TRIB3: variants seen among roughly 807,000 people sequenced by gnomAD.
TRIB3 encodes the protein tribbles homolog 3.
TRIB3 carries 20 observed loss-of-function variants against 16.6 expected under a neutral mutation model. The observed-to-expected ratio is 1.20, with a 90% CI of 0.85 to 1.75. TRIB3 has a LOEUF of 1.75. Ranked by LOEUF, TRIB3 falls within the 40% of genes most tolerant of loss-of-function variation. The pLI is 0.00. For synonymous variants in TRIB3, 208 were observed against 217.0 expected, an observed-to-expected ratio of 0.96 and a Z score of 0.36; for missense variants, 484 against 488.9, an observed-to-expected ratio of 0.99 and a Z score of 0.10.
rs556203041 is a variant in TRIB3, at chr20:394,561, G to C, written c.585-1637G>C. Among the ~76,000 whole-genome samples the C allele has an allele frequency of 2.0e-5, 3 of 152,208 alleles. No homozygotes were observed. In the South Asian group the frequency reaches 6.2e-4, roughly 32 times the overall value. ...GTGCTTCGGGAAGCCAAAGTAGGAGGACTGCTTGAGCCCAGGAGTTCGAGG... is the reference window on the plus strand; with the variant it reads ...GTGCTTCGGGAAGCCAAAGTAGGAGCACTGCTTGAGCCCAGGAGTTCGAGG... On this transcript the variant is annotated intron_variant, in intron 3 of 3. Transcript: ENST00000217233.
In TRIB3 at chr20:396,850, C is replaced by CCA. The variant is rs2015145094; in HGVS notation, c.*167_*168dup. On this transcript the variant is annotated 3_prime_UTR_variant, in exon 4 of 4. Transcript: ENST00000217233. ...GTGCTGTGTACACATCTGCTTTGTT[C>CCA]CACACACATGCAGTTCCTGCTTGGG... 1.8e-6 allele frequency: 2 copies of CCA among 1,122,118 alleles called. No individual in the cohort carries two copies. The highest frequency in any genetic ancestry group is 2.5e-6 in the Non-Finnish European group (2 of 810,072). The allele number at this position is 1,122,118 out of a possible 1,614,324, so 69.5% of individuals were successfully genotyped here. A position where few individuals can be genotyped will look rare whatever the true frequency, so the allele number is the denominator to read the frequency against.
At chr20:393,597 G>A (rs993041457) in intron 3 of TRIB3, among the ~76,000 whole-genome samples, 1 of 152,162 alleles carries the variant, frequency 6.6e-6, no homozygotes, top group Non-Finnish European at 1.5e-5. Flanking sequence ...GATTATAGGC[G>A]TGAGCCACTG....
chr20:381,065 G>A lies in TRIB3; in HGVS notation c.-105G>A, dbSNP rs2014625304. On this transcript the variant is annotated 5_prime_UTR_variant, in exon 1 of 4. Transcript: ENST00000217233. ...ACCCGGGCAGGGCTGGAGCTGGGCT[G>A]GGATCCCGAGCTCGGCAGCAGCGCA... 1 of 152,286 alleles carries A rather than the reference G, an allele frequency of 6.6e-6. No individual in the cohort carries two copies. Among genetic ancestry groups the A allele is most frequent in the South Asian group, 2.1e-4 (1 of 4,832 alleles). 9.4% of individuals were successfully genotyped at this position (152,286 alleles called of 1,614,324 possible). A position where few individuals can be genotyped will look rare whatever the true frequency, so the allele number is the denominator to read the frequency against.
intron 2 of TRIB3, among the ~76,000 whole-genome samples, chr20:389,362 C>T (rs973793279): frequency 1.1e-4 from 17 of 152,258 alleles, no homozygotes; most frequent in African/African-American, 4.1e-4. Context: ...GGCAGGCTGC[C>T]CTGGCAGGCA....
chr20:386,590 C>G (rs769894796), intron 1 of TRIB3, among the ~76,000 whole-genome samples: 1 of 151,046 alleles, frequency 6.6e-6, no homozygotes, highest in Non-Finnish European at 1.5e-5. Flanking sequence ...TTTTTTCTCC[C>G]GTGACGGAGT....
intron 2 of TRIB3, among the ~76,000 whole-genome samples, chr20:389,945 C>T (rs2014928086): frequency 6.6e-6 from 1 of 152,170 alleles, no homozygotes; most frequent in African/African-American, 2.4e-5. Context: ...TGCCATGTAC[C>T]ATGCTGTGGT....
intron 1 of TRIB3, chr20:382,288 T>C: frequency 2.1e-6 from 1 of 486,508 alleles, no homozygotes; most frequent in Non-Finnish European, 3.8e-6. Flanking sequence ...CCAAGATGTA[T>C]AGACTCAGTT....
At chr20:381,937 C>T (rs373972810) in intron 1 of TRIB3, among the ~76,000 whole-genome samples, 1 of 152,196 alleles carries the variant, frequency 6.6e-6, no homozygotes, top group South Asian at 2.1e-4. Flanking sequence ...CCTCACCCCC[C>T]TCCTGTCCCA....
intron 1 of TRIB3, among the ~76,000 whole-genome samples, chr20:384,590 C>CCAGCCTCA (rs2014749726): frequency 6.6e-6 from 1 of 152,142 alleles, no homozygotes; most frequent in African/African-American, 2.4e-5. Flanking sequence ...TCTCGATCTC[C>CCAGCCTCA]TGACCTTGTG....
chr20:388,061 G>T lies in TRIB3; in HGVS notation c.51G>T (p.Lys17Asn). Reference protein sequence around the residue: ...AAPAGSLSRKKRLELDDNLDT... With the variant: ...AAPAGSLSRKNRLELDDNLDT... ...CTGCGGGTTCCCTGTCCAGGAAGAA[G>T]CGGTTGGAGTTGGATGACAACTTAG... Residue 17 changes from lysine to asparagine, a missense_variant, in exon 2 of 4, where the codon AAG becomes AAT. Transcript: ENST00000217233. 1 of 1,614,134 alleles carries T rather than the reference G, an allele frequency of 6.2e-7. No individual in the cohort carries two copies. The highest frequency in any genetic ancestry group is 1.7e-5 in the Admixed American group (1 of 60,028).
In TRIB3 at chr20:388,020, A is replaced by C. The variant is rs200292810; in HGVS notation, c.10A>C (p.Thr4Pro). 2 of 1,611,442 alleles carry C rather than the reference A, an allele frequency of 1.2e-6. No individual in the cohort carries two copies. Among genetic ancestry groups the C allele is most frequent in the East Asian group, 4.5e-5 (2 of 44,798 alleles). MRATPLAAPAGSLS... is the reference protein window; with the variant it reads MRAPPLAAPAGSLS... ...CTCTCCTTTTTACCAGATGCGAGCC[A>C]CCCCTCTGGCTGCTCCTGCGGGTTC... The change falls in exon 2 of 4, where the codon ACC becomes CCC. Residue 4 changes from threonine to proline, a missense_variant. Coordinates refer to ENST00000217233, the MANE Select transcript of TRIB3 (RefSeq NM_021158.5).
intron 1 of TRIB3, among the ~76,000 whole-genome samples, chr20:382,128 C>T (rs11696270): frequency 0.07 from 4,903 of 70,166 alleles, 133 homozygotes; most frequent in Non-Finnish European, 0.096. Context: ...TGTGTGTGTG[C>T]GTGCGCGCGC....
rs765696231 is a variant in TRIB3, at chr20:396,503, G to A, written c.890G>A (p.Arg297His). The change falls in exon 4 of 4, where the codon CGT (arginine) becomes CAT (histidine). Residue 297 changes from arginine (R) to histidine (H), a missense_variant. Coordinates refer to ENST00000217233, the MANE Select transcript of TRIB3 (RefSeq NM_021158.5). ...CGCTGTCTGGTTCGCTGCCTCCTTC[G>A]TCGGGAGCCAGCTGAACGGCTCACA... ...PARCLVRCLL[R>H]REPAERLTAT... The A allele has an allele frequency of 1.5e-5, 25 of 1,612,928 alleles. No individual in the cohort carries two copies. The highest frequency in any genetic ancestry group is 2.7e-5 in the African/African-American group (2 of 74,934).
intron 1 of TRIB3, chr20:381,544 G>A (rs1442405067): frequency 4.0e-5 from 6 of 150,766 alleles, no homozygotes; most frequent in Admixed American, 1.3e-4. Context: ...TGAGGGGCTT[G>A]TGGGGGGCAC....
chr20:391,179 C>T (rs572570300), intron 2 of TRIB3, 108 bp from the exon 3 acceptor site: 189 of 1,249,954 alleles, frequency 1.5e-4, no homozygotes, highest in Non-Finnish European at 2.1e-4. Context: ...GCGCTTGGTG[C>T]GATGCCTAGC....
At position 396,938 on chromosome 20, in the gene TRIB3, A is replaced by C. The variant is rs1410684385; in HGVS notation, c.*248A>C. The C allele has an allele frequency of 6.1e-6, 3 of 491,986 alleles. No homozygotes were observed. Among genetic ancestry groups the C allele is most frequent in the African/African-American group, 3.8e-5 (2 of 52,254 alleles). The allele number at this position is 491,986 out of a possible 1,614,324, so 30.5% of individuals were successfully genotyped here. A position where few individuals can be genotyped will look rare whatever the true frequency, so the allele number is the denominator to read the frequency against. ...AGTACAGCAGTGAGCAAAGGAGACA[A>C]TATTCCCTGCTCACAGAGATGACAA... On this transcript the variant is annotated 3_prime_UTR_variant, in exon 4 of 4. Coordinates refer to ENST00000217233, the MANE Select transcript of TRIB3 (RefSeq NM_021158.5).
chr20:381,199 G>T (rs2014632264), intron 1 of TRIB3, 30 bp downstream of exon 1: 1 of 150,540 alleles, frequency 6.6e-6, no homozygotes, highest in Admixed American at 6.6e-5. Flanking sequence ...CTGCGGACTC[G>T]CCCGGAGGCC....
chr20:396,847 G>T lies in TRIB3; in HGVS notation c.*157G>T. ...AGTGTGCTGTGTACACATCTGCTTT[G>T]TTCCACACACATGCAGTTCCTGCTT... On this transcript the variant is annotated 3_prime_UTR_variant, in exon 4 of 4. Coordinates refer to ENST00000217233, the MANE Select transcript of TRIB3 (RefSeq NM_021158.5). 8.7e-7 allele frequency: 1 copy of T among 1,152,664 alleles called. No homozygotes were observed. The highest frequency in any genetic ancestry group is 1.2e-6 in the Non-Finnish European group (1 of 836,696). The allele number at this position is 1,152,664 out of a possible 1,614,324, so 71.4% of individuals were successfully genotyped here. A position where few individuals can be genotyped will look rare whatever the true frequency, so the allele number is the denominator to read the frequency against.
rs1600258322 is a variant in TRIB3 at position 396,693 on chromosome 20, C to A, written c.*3C>A. The stretch of plus-strand genomic sequence containing the variant: ...GAGAAGTGGTTCTGTATGGCTAGGA[C>A]CACCCTACTACACGCTCAGCTGCCA... On this transcript the variant is annotated 3_prime_UTR_variant, in exon 4 of 4. Coordinates refer to ENST00000217233, the MANE Select transcript of TRIB3 (RefSeq NM_021158.5). 1 of 1,602,660 alleles carries A rather than the reference C, an allele frequency of 6.2e-7. No homozygotes were observed.
Sources: gnomAD v4.1 joint callset for allele counts (sites outside exome capture counted in the v4.1 genomes callset) on GRCh38, gnomAD v4.1.1 for gene constraint, MANE v1.5 for transcripts, NCBI Gene and HGNC (gene_info 2026-07-23, HGNC 2026-07-21) for gene names.